The following CELF2 variants were observed in gnomAD, a reference collection of about 807,000 sequenced individuals.
The protein encoded by CELF2 is CUG triplet repeat RNA-binding protein 2.
CELF2 carries 8 observed loss-of-function variants against 62.6 expected under a neutral mutation model. The observed-to-expected ratio is 0.13, with a 90% confidence interval of 0.07 to 0.23. The LOEUF (loss-of-function observed/expected upper bound fraction) is 0.23, where lower values mean the gene tolerates loss of function less well. Ranked by LOEUF, CELF2 falls within the 10% of genes least tolerant of loss-of-function variation. The probability of loss-of-function intolerance (pLI) is 1.00; values close to 1 mark genes in which losing one functional copy is unlikely to be tolerated. For synonymous variants in CELF2, 258 were observed against 250.0 expected (o/e 1.03, Z -0.30); for missense variants, 333 against 671.0 (o/e 0.50, Z 5.56).
intron 1 of CELF2, among the ~76,000 whole-genome samples, chr10:11,155,389 A>G (rs985661602): frequency 6.6e-6 from 1 of 152,116 alleles, no homozygotes; most frequent in Non-Finnish European, 1.5e-5. Context: ...GGGCCTGCCT[A>G]TTGCAGAGCC....
Position 11,285,919 on chromosome 10 carries a change from C to T in CELF2, c.842-2499C>T, listed in dbSNP as rs528132573. Among the ~76,000 whole-genome samples the T allele has an allele frequency of 2.0e-5, 3 of 147,048 alleles. No individual in the cohort carries two copies. Among genetic ancestry groups the T allele is most frequent in the Non-Finnish European group, 3.0e-5 (2 of 67,162 alleles). ...AAAATGAGTAAGACATAATTTTTGT[C>T]CTAAAGGAACTTGGTATCTGGTTGG... is the stretch of plus-strand genomic sequence containing the variant. On this transcript the variant is annotated intron_variant, in intron 8 of 12. Coordinates refer to ENST00000633077, the MANE Select transcript of CELF2 (RefSeq NM_001326342.2). The surrounding 1 kb of genome is among the most constrained non-coding windows in gnomAD (Gnocchi z 4.3).
upstream of CELF2, among the ~76,000 whole-genome samples, chr10:11,004,186 C>A (rs577701690): frequency 6.6e-6 from 1 of 152,236 alleles, no homozygotes; most frequent in East Asian, 1.9e-4. The surrounding 1 kb of genome is among the most constrained non-coding windows in gnomAD (Gnocchi z 5.0). Context: ...CTATTATTAT[C>A]CCCAGTAATG....
the CELF2 span, among the ~76,000 whole-genome samples, chr10:10,618,817 G>C: frequency 1.3e-5 from 2 of 152,086 alleles, no homozygotes; most frequent in Non-Finnish European, 2.9e-5. Flanking sequence ...CTCTCTTGCA[G>C]AGAGAGAGGG....
chr10:11,003,040 A>T (rs1297822324), upstream of CELF2, among the ~76,000 whole-genome samples: 1 of 152,224 alleles, frequency 6.6e-6, no homozygotes, highest in African/African-American at 2.4e-5. The surrounding 1 kb of genome is among the most constrained non-coding windows in gnomAD (Gnocchi z 4.4). Flanking sequence ...CACTATGTAC[A>T]TGTTATAAAC....
chr10:10,723,989 T>C, the CELF2 span, among the ~76,000 whole-genome samples: 1 of 152,206 alleles, frequency 6.6e-6, no homozygotes, highest in Non-Finnish European at 1.5e-5. Flanking sequence ...TAAAGCACTT[T>C]AGAATCAATA....
the CELF2 span, among the ~76,000 whole-genome samples, chr10:10,734,304 C>G: frequency 4.6e-5 from 7 of 152,142 alleles, no homozygotes; most frequent in African/African-American, 1.7e-4. Context: ...TTTGGGAAAA[C>G]CTTTGCAAGT....
chr10:11,158,316 G>C (rs2064971527), intron 1 of CELF2, among the ~76,000 whole-genome samples: 1 of 152,192 alleles, frequency 6.6e-6, no homozygotes, highest in Non-Finnish European at 1.5e-5. Context: ...ACTGAGCTCA[G>C]CCGCAGGAGA....
At chr10:10,490,515 A>T in the CELF2 span, among the ~76,000 whole-genome samples, 16 of 152,170 alleles carry the variant, frequency 1.1e-4, no homozygotes, top group South Asian at 3.3e-3. Context: ...AAGAGGCAAA[A>T]GTGCCCTCTC....
chr10:10,937,438 C>T (rs1267561443), intron 2 of CELF2: 1 of 152,086 alleles, frequency 6.6e-6, no homozygotes, highest in Non-Finnish European at 1.5e-5. Flanking sequence ...CCAATTCTAC[C>T]TTATTTCTGA....
intron 2 of CELF2, among the ~76,000 whole-genome samples, chr10:10,986,494 T>C (rs1295577164): frequency 1.3e-5 from 2 of 152,236 alleles, no homozygotes; most frequent in African/African-American, 4.8e-5. Flanking sequence ...GTTTTTTAAG[T>C]AGCTTGTAAA....
intron 2 of CELF2, among the ~76,000 whole-genome samples, chr10:11,204,333 A>G (rs1056133434): frequency 3.3e-5 from 5 of 152,250 alleles, no homozygotes; most frequent in African/African-American, 9.6e-5. Flanking sequence ...AGAAGTAACT[A>G]TACCAGAGTC....
intron 5 of CELF2, among the ~76,000 whole-genome samples, chr10:11,261,191 TA>T (rs1465319330): frequency 2.6e-5 from 4 of 152,198 alleles, no homozygotes; most frequent in African/African-American, 9.6e-5. Flanking sequence ...CCAGTTCACC[TA>T]GGAGGATGAA....
At chr10:10,596,873 C>T in the CELF2 span, among the ~76,000 whole-genome samples, 120,604 of 152,130 alleles carry the variant, frequency 0.79, 48,747 homozygotes, top group South Asian at 0.89. Context: ...TGAATGGAGA[C>T]AGATTCTTCC....
the CELF2 span, among the ~76,000 whole-genome samples, chr10:10,589,781 A>T: frequency 6.6e-6 from 1 of 152,250 alleles, no homozygotes; most frequent in Admixed American, 6.5e-5. Context: ...CTCACACGTC[A>T]TTCAGACAGT....
rs1400844498 is a variant in CELF2, at chr10:11,246,088, A to T, written c.355-3065A>T. 6.6e-6 allele frequency among the ~76,000 whole-genome samples: 1 copy of T among 152,092 alleles called. No homozygotes were observed. The highest frequency in any genetic ancestry group is 1.9e-4 in the East Asian group (1 of 5,164). Reference sequence around the variant, plus strand: ...GGGGCTCTGTTTTTGCTGCTCCCGAATTTCCACCTGCCATCATCCACGCAT... The same window carrying T: ...GGGGCTCTGTTTTTGCTGCTCCCGATTTTCCACCTGCCATCATCCACGCAT... On this transcript the variant is annotated intron_variant, in intron 3 of 12. Transcript: ENST00000633077. The surrounding 1 kb of genome is among the most constrained non-coding windows in gnomAD (Gnocchi z 4.6).
At chr10:10,702,430 A>C in the CELF2 span, among the ~76,000 whole-genome samples, 1 of 152,218 alleles carries the variant, frequency 6.6e-6, no homozygotes, top group African/African-American at 2.4e-5. Context: ...TGCCAGTCCA[A>C]ATAAATCACT....
intron 2 of CELF2, among the ~76,000 whole-genome samples, chr10:11,187,218 T>C (rs1208312760): frequency 1.3e-5 from 2 of 152,342 alleles, no homozygotes; most frequent in Non-Finnish European, 1.5e-5. Flanking sequence ...TTCTGTTTTT[T>C]TGATGAATAG....
chr10:11,173,917 A>G (rs2069950804), intron 2 of CELF2, among the ~76,000 whole-genome samples: 1 of 152,238 alleles, frequency 6.6e-6, no homozygotes, highest in Admixed American at 6.5e-5. Flanking sequence ...ATAGGTTTAT[A>G]TATTCTGAAA....
the CELF2 span, among the ~76,000 whole-genome samples, chr10:10,554,022 G>T: frequency 2.6e-5 from 4 of 152,172 alleles, no homozygotes; most frequent in African/African-American, 9.7e-5. Flanking sequence ...AGACTGGAAA[G>T]TGGCAGGAAT....
Sources: gnomAD v4.1 joint callset for allele counts (sites outside exome capture counted in the v4.1 genomes callset) on GRCh38, gnomAD v4.1.1 for gene constraint, Gnocchi (gnomAD v3.1) non-coding constraint, MANE v1.5 for transcripts, NCBI Gene and HGNC (gene_info 2026-07-23, HGNC 2026-07-21) for gene names.